The following GLIS3 variants were observed in gnomAD, a reference collection of about 807,000 sequenced individuals.
The protein encoded by GLIS3 is zinc finger protein GLIS3.
Under a neutral mutation model 78.6 loss-of-function variants are expected in GLIS3, and 53 were observed. The ratio of observed to expected loss-of-function variants is 0.67; its 90% CI spans 0.54 to 0.85. The LOEUF is 0.85. GLIS3 is among the 40% of genes least tolerant of loss of function. The pLI is 0.00. For missense variants in GLIS3, 1,703 were observed against 1,231.1 expected (o/e 1.38, Z -5.74); for synonymous variants, 684 against 509.9 (o/e 1.34, Z -4.60).
chr9:4,341,875 T>A lies in GLIS3; in HGVS notation n.264+5206A>T, dbSNP rs138866724. 3.7e-3 allele frequency among the ~76,000 whole-genome samples: 570 copies of A among 152,364 alleles called. 3 individuals are homozygous for A. The highest frequency in any genetic ancestry group is 0.013 in the African/African-American group (548 of 41,590). On this transcript the variant is annotated intron_variant and non_coding_transcript_variant, in intron 2 of 4. Transcript: ENST00000471664. ...CATAACAGTTAAGCATACTACATGCTTGTTGACCACGTATATGTCTTCTTT... is the reference window on the plus strand; with the variant it reads ...CATAACAGTTAAGCATACTACATGCATGTTGACCACGTATATGTCTTCTTT...
At chr9:4,091,950 C>T (rs1263215072) in intron 4 of GLIS3, among the ~76,000 whole-genome samples, 2 of 151,964 alleles carry the variant, frequency 1.3e-5, no homozygotes, top group Non-Finnish European at 2.9e-5. Flanking sequence ...AAATGATACA[C>T]TTGTATAGAG....
chr9:3,934,387 T>C (rs1825779072), intron 5 of GLIS3, among the ~76,000 whole-genome samples: 1 of 152,034 alleles, frequency 6.6e-6, no homozygotes, highest in Admixed American at 6.6e-5. Context: ...ACAATTTAGG[T>C]TGGTAATGTC....
At chr9:4,301,645 C>T (rs749042924), upstream of GLIS3, among the ~76,000 whole-genome samples, 10 of 152,132 alleles carry the variant, frequency 6.6e-5, no homozygotes, top group Non-Finnish European at 1.2e-4. Context: ...GTGGAGACTG[C>T]AAAAAACCTT....
At chr9:4,125,415 T>C (rs1363099776) in intron 3 of GLIS3, among the ~76,000 whole-genome samples, 1 of 152,218 alleles carries the variant, frequency 6.6e-6, no homozygotes, top group African/African-American at 2.4e-5. Flanking sequence ...TAGGCCATGA[T>C]ATGATTGCTT....
the GLIS3 span, among the ~76,000 whole-genome samples, chr9:4,482,536 A>G: frequency 2.0e-5 from 3 of 152,332 alleles, no homozygotes; most frequent in Middle Eastern, 3.4e-3. Flanking sequence ...CTGGTACTCC[A>G]TGACCTCCTC....
chr9:3,983,679 G>A (rs1421153505), intron 4 of GLIS3, among the ~76,000 whole-genome samples: 1 of 152,184 alleles, frequency 6.6e-6, no homozygotes, highest in Non-Finnish European at 1.5e-5. Context: ...AGCAAAGAGA[G>A]TAGTGGCATT....
rs146730985 is a variant in GLIS3 at position 4,198,159 on chromosome 9, T to C, written c.389-72218A>G. On this transcript the variant is annotated intron_variant, in intron 2 of 10. Transcript: ENST00000381971. ...CTCCAGCAATGGCCCCTAACCAAAA[T>C]GGAAATTCAGTTATGGCAGATAAAG... Among the ~76,000 whole-genome samples, 626 of 151,998 alleles carry C rather than the reference T, an allele frequency of 4.1e-3. 1 individual carries two copies. Among genetic ancestry groups the C allele is most frequent in the Admixed American group, 4.3e-3 (66 of 15,292 alleles).
chr9:3,950,442 T>C (rs1319737666), intron 4 of GLIS3, among the ~76,000 whole-genome samples: 2 of 152,238 alleles, frequency 1.3e-5, no homozygotes, highest in Non-Finnish European at 2.9e-5. Context: ...CGCCTACTTC[T>C]CCAGCCTCAT....
At chr9:4,231,109 A>ATAAT (rs3063673) in intron 2 of GLIS3, among the ~76,000 whole-genome samples, 152,084 of 152,228 alleles carry the variant, frequency 1, 75,971 homozygotes, top group Middle Eastern at 1. Context: ...TATGTTCAGG[A>ATAAT]TAATGAGATG....
At chr9:4,306,229 G>A (rs1299414539) in intron 4 of GLIS3, among the ~76,000 whole-genome samples, 1 of 147,760 alleles carries the variant, frequency 6.8e-6, no homozygotes, top group Non-Finnish European at 1.5e-5. Flanking sequence ...ACAGGTGCGT[G>A]CCCAGCTAAT....
At chr9:4,275,791 A>C (rs1826928262) in intron 2 of GLIS3, among the ~76,000 whole-genome samples, 1 of 152,082 alleles carries the variant, frequency 6.6e-6, no homozygotes, top group African/African-American at 2.4e-5. Context: ...TAAGTAAATA[A>C]ATAAATAAAT....
the GLIS3 span, among the ~76,000 whole-genome samples, chr9:4,426,936 G>T: frequency 2.0e-5 from 3 of 152,174 alleles, no homozygotes; most frequent in Non-Finnish European, 4.4e-5. Flanking sequence ...ATACACTTTT[G>T]CCCACACCCA....
intron 4 of GLIS3, among the ~76,000 whole-genome samples, chr9:4,008,307 C>T (rs1210411495): frequency 1.3e-5 from 2 of 152,132 alleles, no homozygotes; most frequent in Non-Finnish European, 2.9e-5. Context: ...CATGACAAGT[C>T]TGGCATCTCA....
At chr9:4,280,855 G>C (rs1455468894) in intron 2 of GLIS3, among the ~76,000 whole-genome samples, 1 of 151,986 alleles carries the variant, frequency 6.6e-6, no homozygotes, top group Non-Finnish European at 1.5e-5. Context: ...ACCAGAGAGA[G>C]CGGAGTGGCC....
chr9:3,986,540 A>T (rs889614424), intron 4 of GLIS3, among the ~76,000 whole-genome samples: 1 of 152,200 alleles, frequency 6.6e-6, no homozygotes, highest in African/African-American at 2.4e-5. Context: ...TGAGTTCTCA[A>T]TTCATATAAG....
chr9:3,948,683 T>C (rs1816463832), intron 4 of GLIS3, among the ~76,000 whole-genome samples: 5 of 152,242 alleles, frequency 3.3e-5, no homozygotes, highest in Admixed American at 1.3e-4. Flanking sequence ...TTAGTTTAAA[T>C]TTGATGAGAA....
rs1279157024 is a variant in GLIS3 at position 3,832,972 on chromosome 9, G to A, written c.2474-3480C>T. Among the ~76,000 whole-genome samples the A allele has an allele frequency of 2.6e-5, 4 of 152,274 alleles. No homozygotes were observed. The East Asian group carries it at 5.8e-4, about 22-fold the overall frequency. ...TATCTTCTCTCATTTTACTAAGAGG[G>A]AACAGAAGTGTCAAATGCTTTAGTC... On this transcript the variant is annotated intron_variant, in intron 9 of 10. Transcript: ENST00000381971.
intron 2 of GLIS3, among the ~76,000 whole-genome samples, chr9:4,254,312 T>A (rs868796144): frequency 7.9e-5 from 12 of 152,228 alleles, no homozygotes; most frequent in African/African-American, 2.2e-4. Flanking sequence ...AAAGCAACTT[T>A]ACCAAGAAAC....
intron 4 of GLIS3, among the ~76,000 whole-genome samples, chr9:4,014,771 A>T (rs772035547): frequency 1.3e-5 from 2 of 152,184 alleles, no homozygotes; most frequent in African/African-American, 4.8e-5. Flanking sequence ...ACCTCGTCCA[A>T]TGCCTTCAAA....
Sources: allele counts gnomAD v4.1 joint callset (sites outside exome capture counted in the v4.1 genomes callset), GRCh38; gene constraint gnomAD v4.1.1; transcripts MANE v1.5; gene names NCBI Gene and HGNC (gene_info 2026-07-23, HGNC 2026-07-21).